LTBP1: variants seen among roughly 807,000 people sequenced by gnomAD.
LTBP1 encodes latent transforming growth factor beta binding protein 1.
In LTBP1, 129 loss-of-function variants were observed where a neutral mutation model predicts 207.6. The observed-to-expected ratio is 0.62, with a 90% confidence interval of 0.54 to 0.72. LTBP1 has a LOEUF of 0.72. Among genes scored for constraint, LTBP1 ranks in the 30% least tolerant of loss-of-function variants. The pLI is 0.00. For synonymous variants in LTBP1, 963 were observed against 833.7 expected (o/e 1.16, Z -2.67); for missense variants, 2,281 against 2,217.2 (o/e 1.03, Z -0.58).
intron 2 of LTBP1, among the ~76,000 whole-genome samples, chr2:32,966,524 A>G (rs1391131903): frequency 6.6e-6 from 1 of 152,156 alleles, no homozygotes; most frequent in Non-Finnish European, 1.5e-5. Context: ...TGTTTTTTAT[A>G]GATGTTCTTT....
chr2:33,356,470 G>A (rs946162928), intron 26 of LTBP1, among the ~76,000 whole-genome samples: 4 of 152,164 alleles, frequency 2.6e-5, no homozygotes, highest in African/African-American at 9.7e-5. Context: ...ACGAGGTCAG[G>A]AGATCAAGAC....
chr2:33,157,913 A>G, intron 5 of LTBP1, among the ~76,000 whole-genome samples: 1 of 152,168 alleles, frequency 6.6e-6, no homozygotes, highest in East Asian at 1.9e-4. Flanking sequence ...AAGCCAAGGC[A>G]TGTGGATCAT....
At position 33,152,736 on chromosome 2, in the gene LTBP1, A is replaced by G. The variant is rs568391731; in HGVS notation, c.1201+17776A>G. 3.0e-4 allele frequency among the ~76,000 whole-genome samples: 45 copies of G among 152,300 alleles called. No homozygotes were observed. In the South Asian group the frequency reaches 9.3e-3, roughly 32 times the overall value. On this transcript the variant is annotated intron_variant, in intron 5 of 33. Coordinates refer to ENST00000404816, the MANE Select transcript of LTBP1 (RefSeq NM_206943.4). ...TCGTGAGCTTATTAGCCATTTGTAT[A>G]TCTTCTTTGGAGAAATGTCTGTTCA...
intron 3 of LTBP1, among the ~76,000 whole-genome samples, chr2:33,079,533 A>T (rs578055639): frequency 6.6e-6 from 1 of 152,324 alleles, no homozygotes; most frequent in African/African-American, 2.4e-5. Flanking sequence ...AGTGGTGGTT[A>T]TTCAGGCATT....
chr2:33,053,918 G>A (rs1380626935), intron 3 of LTBP1, among the ~76,000 whole-genome samples: 2 of 152,208 alleles, frequency 1.3e-5, no homozygotes, highest in East Asian at 1.9e-4. Context: ...GACTTGAGAA[G>A]TGGCCTAGAT....
chr2:33,136,296 G>C (rs886169004), intron 5 of LTBP1, among the ~76,000 whole-genome samples: 1 of 152,180 alleles, frequency 6.6e-6, no homozygotes. Context: ...GTGAACTGAT[G>C]ATCAGGAAAC....
At chr2:33,217,846 A>T (rs996360920) in intron 8 of LTBP1, among the ~76,000 whole-genome samples, 192 bp downstream of exon 8, 1 of 152,244 alleles carries the variant, frequency 6.6e-6, no homozygotes, top group South Asian at 2.1e-4. Context: ...ATTTTGTAAT[A>T]AGCACAGTTA....
intron 5 of LTBP1, among the ~76,000 whole-genome samples, chr2:33,150,723 T>C (rs1191076291): frequency 8.3e-6 from 1 of 120,278 alleles, no homozygotes; most frequent in Non-Finnish European, 1.8e-5. Flanking sequence ...TTTTTTTTTT[T>C]TTTTTTTTTT....
At chr2:33,126,210 C>G (rs1021671435) in intron 4 of LTBP1, among the ~76,000 whole-genome samples, 3 of 152,036 alleles carry the variant, frequency 2.0e-5, no homozygotes, top group African/African-American at 7.2e-5. Context: ...TCTGAAGTTG[C>G]AAAGCATCAT....
intron 15 of LTBP1, among the ~76,000 whole-genome samples, chr2:33,269,351 C>A (rs1270538048): frequency 6.6e-6 from 1 of 152,042 alleles, no homozygotes; most frequent in Non-Finnish European, 1.5e-5. Flanking sequence ...TGGACTCCAG[C>A]AAAAGAAATA....
chr2:33,310,101 C>T (rs1335776312), intron 23 of LTBP1, among the ~76,000 whole-genome samples: 4 of 151,958 alleles, frequency 2.6e-5, no homozygotes, highest in Non-Finnish European at 5.9e-5. Context: ...GCGCCTGCCA[C>T]CACACCCGGC....
intron 26 of LTBP1, among the ~76,000 whole-genome samples, chr2:33,356,539 C>T (rs2094863529): frequency 6.6e-6 from 1 of 152,056 alleles, no homozygotes; most frequent in African/African-American, 2.4e-5. Context: ...ATTCGCCGGG[C>T]ATGGTGGCAG....
intron 3 of LTBP1, among the ~76,000 whole-genome samples, chr2:33,046,028 G>A (rs1404671507): frequency 1.3e-5 from 2 of 152,124 alleles, no homozygotes; most frequent in Non-Finnish European, 2.9e-5. Flanking sequence ...AGACGATGGG[G>A]TTTTCTAAAT....
intron 2 of LTBP1, among the ~76,000 whole-genome samples, chr2:32,985,659 T>G (rs1572946348): frequency 6.6e-6 from 1 of 152,272 alleles, no homozygotes; most frequent in Non-Finnish European, 1.5e-5. Context: ...TAGAAATACA[T>G]GAGAGATTCA....
intron 3 of LTBP1, chr2:33,056,606 TA>T: frequency 3.4e-6 from 1 of 297,674 alleles, no homozygotes; most frequent in Non-Finnish European, 6.4e-6. Flanking sequence ...TTATAGTTCT[TA>T]AAGGTGGCGT....
intron 5 of LTBP1, among the ~76,000 whole-genome samples, chr2:33,162,870 C>G (rs1239684270): frequency 6.6e-6 from 1 of 152,146 alleles, no homozygotes; most frequent in Non-Finnish European, 1.5e-5. Context: ...AAACCCAAGG[C>G]CAGCAGACAT....
At chr2:33,043,195 G>A (rs72869665) in intron 3 of LTBP1, among the ~76,000 whole-genome samples, 10 of 152,296 alleles carry the variant, frequency 6.6e-5, no homozygotes, top group Non-Finnish European at 1.3e-4. Context: ...GAAGTCCTGC[G>A]TCAGATGAAA....
At chr2:33,214,881 A>G (rs1244590633) in intron 7 of LTBP1, among the ~76,000 whole-genome samples, 4 of 152,128 alleles carry the variant, frequency 2.6e-5, no homozygotes, top group African/African-American at 9.7e-5. Flanking sequence ...CTAAAAAAAA[A>G]AAAAGCAATT....
intron 2 of LTBP1, among the ~76,000 whole-genome samples, chr2:32,971,974 A>G (rs1383855621): frequency 6.6e-6 from 1 of 152,124 alleles, no homozygotes; most frequent in Admixed American, 6.6e-5. Flanking sequence ...ATTGAATTTC[A>G]GAACTCGTTT....
Sources: gnomAD v4.1 joint callset for allele counts (sites outside exome capture counted in the v4.1 genomes callset) on GRCh38, gnomAD v4.1.1 for gene constraint, MANE v1.5 for transcripts, NCBI Gene and HGNC (gene_info 2026-07-23, HGNC 2026-07-21) for gene names.